The following CDH12 variants were observed in gnomAD, a reference collection of about 807,000 sequenced individuals.
CDH12 encodes cadherin-12.
CDH12 carries 41 observed loss-of-function variants against 74.1 expected under a neutral mutation model. The observed-to-expected ratio is 0.55, with a 90% CI of 0.43 to 0.72. CDH12 has a LOEUF of 0.72. Among genes scored for constraint, CDH12 ranks in the 30% least tolerant of loss-of-function variants. CDH12 has a pLI of 0.00. For synonymous variants in CDH12, 399 were observed against 355.0 expected (o/e 1.12, Z -1.39); for missense variants, 945 against 977.2 (o/e 0.97, Z 0.44).
At chr5:21,883,119 A>C (rs1214599976) in intron 6 of CDH12, 108 of 1,579,732 alleles carry the variant, frequency 6.8e-5, no homozygotes, top group Non-Finnish European at 9.2e-5. Flanking sequence ...GATTTCTGCA[A>C]ATGGAGACAA....
At chr5:22,384,784 G>A (rs1167357433) in intron 3 of CDH12, among the ~76,000 whole-genome samples, 2 of 152,026 alleles carry the variant, frequency 1.3e-5, no homozygotes, top group Non-Finnish European at 2.9e-5. Flanking sequence ...ACAAATTAGA[G>A]CGACTAAATT....
At chr5:21,755,567 A>G (rs1744336256) in intron 14 of CDH12, 24 bp downstream of exon 14, 2 of 1,597,684 alleles carry the variant, frequency 1.3e-6, no homozygotes, top group Non-Finnish European at 1.7e-6. Flanking sequence ...GAAAAAATTA[A>G]CAATGATTAA....
chr5:22,270,663 A>G (rs952109778), intron 3 of CDH12, among the ~76,000 whole-genome samples: 1 of 151,270 alleles, frequency 6.6e-6, no homozygotes, highest in Non-Finnish European at 1.5e-5. Context: ...TTTTATTTCA[A>G]TTTTATTTAT....
rs1221454761 is a variant in CDH12, at chr5:22,698,726, T to C, written c.-523+154332A>G. 9.8e-4 allele frequency among the ~76,000 whole-genome samples: 16 copies of C among 16,408 alleles called. 1 individual carries two copies. The highest frequency in any genetic ancestry group is 1.8e-3 in the Non-Finnish European group (15 of 8,376). The allele number at this position is 16,408 out of a possible 152,430, so 10.8% of individuals were successfully genotyped here. ...ATATATATATATATATATATATATA[T>C]ATATATATAGTGTGTGTGTGTGTGT... On this transcript the variant is annotated intron_variant, in intron 1 of 14. Transcript: ENST00000382254.
chr5:22,608,252 C>T (rs925500907), intron 1 of CDH12, among the ~76,000 whole-genome samples: 86 of 152,328 alleles, frequency 5.6e-4, no homozygotes, highest in African/African-American at 1.9e-3. Context: ...GAGCACACCT[C>T]TTGCATCAGC....
intron 1 of CDH12, among the ~76,000 whole-genome samples, chr5:22,760,018 T>TG (rs1746124493): frequency 1.3e-5 from 2 of 152,324 alleles, no homozygotes; most frequent in African/African-American, 4.8e-5. Flanking sequence ...AAGTATTCAA[T>TG]GTTAATCTCA....
At chr5:22,593,347 G>A (rs375455574) in intron 1 of CDH12, among the ~76,000 whole-genome samples, 45 of 152,154 alleles carry the variant, frequency 3.0e-4, no homozygotes, top group East Asian at 2.9e-3. Context: ...ATTCTAATAA[G>A]GGACCAAAAC....
chr5:22,322,157 A>G (rs375660664), intron 3 of CDH12, among the ~76,000 whole-genome samples: 3 of 150,424 alleles, frequency 2.0e-5, no homozygotes, highest in South Asian at 2.1e-4. Context: ...CTTAAAAACC[A>G]TAGCAGACAA....
chr5:22,263,794 A>T (rs887559037), intron 3 of CDH12, among the ~76,000 whole-genome samples: 7 of 152,064 alleles, frequency 4.6e-5, no homozygotes, highest in African/African-American at 1.7e-4. Context: ...AAGTGTTATT[A>T]TGAACTCTAC....
At chr5:22,568,702 T>G (rs1739403534) in intron 1 of CDH12, among the ~76,000 whole-genome samples, 1 of 152,270 alleles carries the variant, frequency 6.6e-6, no homozygotes, top group African/African-American at 2.4e-5. Flanking sequence ...ACATTGTGGG[T>G]TTGGTTCCAG....
chr5:21,751,046 G>A lies in CDH12; in HGVS notation c.*691C>T, dbSNP rs1744017264. ...GATCAAACATTGTTTCTAGAATTTG[G>A]GACTTACATATTGAACTTGATATTT... On this transcript the variant is annotated 3_prime_UTR_variant, in exon 15 of 15. Coordinates refer to ENST00000382254, the MANE Select transcript of CDH12 (RefSeq NM_004061.5). 2.0e-5 allele frequency: 3 copies of A among 151,400 alleles called. No homozygotes were observed. The South Asian group carries it at 6.3e-4, about 32-fold the overall frequency. The allele number at this position is 151,400 out of a possible 1,614,324, so 9.4% of individuals were successfully genotyped here.
intron 8 of CDH12, among the ~76,000 whole-genome samples, chr5:21,823,623 C>G (rs1383238817): frequency 6.6e-6 from 1 of 151,988 alleles, no homozygotes; most frequent in Non-Finnish European, 1.5e-5. Context: ...AAAAAGCACA[C>G]AGATTTGCAA....
intron 2 of CDH12, among the ~76,000 whole-genome samples, chr5:22,504,808 T>G (rs924181551): frequency 7.9e-5 from 12 of 152,172 alleles, no homozygotes; most frequent in Admixed American, 2.0e-4. Context: ...TATCTCTGTT[T>G]CCTATGTGAG....
intron 3 of CDH12, among the ~76,000 whole-genome samples, chr5:22,314,142 A>G (rs1419278831): frequency 1.3e-5 from 2 of 152,156 alleles, no homozygotes; most frequent in Non-Finnish European, 2.9e-5. Flanking sequence ...GATGTGTGTT[A>G]TATATTCGAC....
chr5:22,325,812 G>T (rs1053379985), intron 3 of CDH12, among the ~76,000 whole-genome samples: 29 of 152,124 alleles, frequency 1.9e-4, no homozygotes, highest in Non-Finnish European at 2.9e-4. Context: ...GGAGGCTGAG[G>T]CGGGAGAATG....
At chr5:22,417,106 T>G (rs1743426077) in intron 2 of CDH12, among the ~76,000 whole-genome samples, 1 of 152,200 alleles carries the variant, frequency 6.6e-6, no homozygotes, top group Admixed American at 6.5e-5. Context: ...ATTAAAACTG[T>G]GAATTGAAAA....
chr5:22,043,475 C>A (rs181175182), intron 5 of CDH12, among the ~76,000 whole-genome samples: 2 of 152,044 alleles, frequency 1.3e-5, no homozygotes, highest in East Asian at 3.9e-4. Flanking sequence ...TATGACAAAC[C>A]CACAGCTAAC....
At chr5:22,153,198 T>A (rs1265840549) in intron 4 of CDH12, among the ~76,000 whole-genome samples, 1 of 150,982 alleles carries the variant, frequency 6.6e-6, no homozygotes, top group East Asian at 1.9e-4. Context: ...TTTTTTTTTT[T>A]AGAAACCTCC....
intron 1 of CDH12, among the ~76,000 whole-genome samples, chr5:22,506,011 T>A (rs1207542382): frequency 6.6e-6 from 1 of 152,040 alleles, no homozygotes; most frequent in Non-Finnish European, 1.5e-5. Flanking sequence ...CAGATCTTGG[T>A]CAGCCGACTG....
Sources: gnomAD v4.1 joint callset for allele counts (sites outside exome capture counted in the v4.1 genomes callset) on GRCh38, gnomAD v4.1.1 for gene constraint, MANE v1.5 for transcripts, NCBI Gene and HGNC (gene_info 2026-07-23, HGNC 2026-07-21) for gene names.